The following COG5 variants were observed in gnomAD, a reference collection of about 807,000 sequenced individuals.
COG5 encodes conserved oligomeric Golgi complex subunit 5.
Under a neutral mutation model 110.4 loss-of-function variants are expected in COG5, and 86 were observed. The observed-to-expected ratio is 0.78, with a 90% CI of 0.65 to 0.93. The LOEUF (loss-of-function observed/expected upper bound fraction) is 0.93. COG5 is among the 40% of genes least tolerant of loss of function. The pLI, the probability that COG5 is intolerant of heterozygous loss-of-function variation, is 0.00. For missense variants in COG5, 1,077 were observed against 987.0 expected, an observed-to-expected ratio of 1.09 and a Z score of -1.22; for synonymous variants, 360 against 334.6, an observed-to-expected ratio of 1.08 and a Z score of -0.83.
At chr7:107,512,171 T>G (rs1302478607) in intron 6 of COG5, among the ~76,000 whole-genome samples, 1 of 152,204 alleles carries the variant, frequency 6.6e-6, no homozygotes, top group Non-Finnish European at 1.5e-5. Flanking sequence ...CAAAATCACC[T>G]TAAGCTGATA....
At chr7:107,470,464 A>G (rs893293742) in intron 6 of COG5, 3 of 152,186 alleles carry the variant, frequency 2.0e-5, no homozygotes, top group Admixed American at 6.6e-5. Flanking sequence ...TGTTCCTATT[A>G]TAGTATACAG....
At chr7:107,306,756 T>C (rs1807749017) in intron 11 of COG5, among the ~76,000 whole-genome samples, 1 of 152,166 alleles carries the variant, frequency 6.6e-6, no homozygotes, top group South Asian at 2.1e-4. Flanking sequence ...CCACTGGTGA[T>C]AGGAAAATGG....
At chr7:107,282,667 G>A (rs1038552886) in intron 13 of COG5, among the ~76,000 whole-genome samples, 18 of 152,116 alleles carry the variant, frequency 1.2e-4, no homozygotes, top group South Asian at 6.2e-4. Flanking sequence ...GGTTACAAGC[G>A]TGCACCACCA....
chr7:107,412,450 AC>A, intron 7 of COG5, 51 bp downstream of exon 7: 2 of 1,560,864 alleles, frequency 1.3e-6, no homozygotes, highest in Non-Finnish European at 8.8e-7. Context: ...TCAAATGTTC[AC>A]CTGTATTATG....
intron 6 of COG5, among the ~76,000 whole-genome samples, chr7:107,467,637 C>T (rs956675371): frequency 1.3e-5 from 2 of 152,142 alleles, no homozygotes; most frequent in Admixed American, 1.3e-4. Context: ...CAGGTGAGAG[C>T]CACTGCACCC....
intron 18 of COG5, among the ~76,000 whole-genome samples, chr7:107,233,337 A>T (rs1218148099): frequency 1.3e-5 from 2 of 152,134 alleles, no homozygotes; most frequent in African/African-American, 4.8e-5. Context: ...AGGCACTGAG[A>T]CCATGTGGTC....
intron 5 of COG5, among the ~76,000 whole-genome samples, chr7:107,542,105 T>G (rs762712010): frequency 2.0e-5 from 3 of 152,144 alleles, no homozygotes; most frequent in Non-Finnish European, 4.4e-5. Context: ...TCTTCATAGC[T>G]TCAGGGTAGA....
intron 14 of COG5, among the ~76,000 whole-genome samples, chr7:107,262,777 C>G (rs1442768843): frequency 2.0e-5 from 3 of 152,094 alleles, no homozygotes; most frequent in Non-Finnish European, 2.9e-5. Flanking sequence ...AAAATAGAAG[C>G]AATCAGAAAA....
At chr7:107,333,628 T>C (rs1208888882) in intron 10 of COG5, among the ~76,000 whole-genome samples, 2 of 152,164 alleles carry the variant, frequency 1.3e-5, no homozygotes, top group East Asian at 1.9e-4. Context: ...ATAGCATTTA[T>C]TAAAATAAAT....
chr7:107,417,032 A>C (rs180785785), intron 6 of COG5, among the ~76,000 whole-genome samples: 1 of 152,328 alleles, frequency 6.6e-6, no homozygotes, highest in East Asian at 1.9e-4. Context: ...CCAAATCCTC[A>C]AGTAACAGAA....
At chr7:107,392,162 C>A (rs1322794412) in intron 7 of COG5, among the ~76,000 whole-genome samples, 1 of 152,154 alleles carries the variant, frequency 6.6e-6, no homozygotes, top group Admixed American at 6.5e-5. Context: ...TTACCTGGTT[C>A]TCTAATGCCC....
intron 11 of COG5, among the ~76,000 whole-genome samples, chr7:107,318,355 G>C (rs1808947067): frequency 6.6e-6 from 1 of 152,026 alleles, no homozygotes; most frequent in Admixed American, 6.6e-5. Flanking sequence ...GTAGATTCCT[G>C]TCATATTGAG....
chr7:107,203,441 C>T lies in COG5; in HGVS notation c.*75G>A, dbSNP rs1798505638. 33 of 944,286 alleles carry T rather than the reference C, an allele frequency of 3.5e-5. No individual in the cohort carries two copies. Among genetic ancestry groups the T allele is most frequent in the Non-Finnish European group, 3.5e-6 (2 of 570,246 alleles). The allele number at this position is 944,286 out of a possible 1,614,324, so 58.5% of individuals were successfully genotyped here. On this transcript the variant is annotated 3_prime_UTR_variant, in exon 22 of 22. Coordinates refer to ENST00000297135, the MANE Select transcript of COG5 (RefSeq NM_006348.5). ...TCTTAAAATAGTAGATAGTAGCAGT[C>T]TTTTGGAGTATGTGTTTAACTGCCA... is the stretch of plus-strand genomic sequence containing the variant.
At chr7:107,218,452 T>C (rs555516789) in intron 19 of COG5, among the ~76,000 whole-genome samples, 1 of 152,184 alleles carries the variant, frequency 6.6e-6, no homozygotes, top group East Asian at 1.9e-4. Context: ...TTAAACTATA[T>C]TACAGAGCTA....
At chr7:107,561,976 A>C (rs78802690) in intron 1 of COG5, among the ~76,000 whole-genome samples, 1 of 146,316 alleles carries the variant, frequency 6.8e-6, no homozygotes, top group African/African-American at 2.5e-5. Context: ...ACTCCGTCTC[A>C]AAAAAAAAAA....
intron 6 of COG5, among the ~76,000 whole-genome samples, chr7:107,441,273 AAAAAG>A (rs1794691455): frequency 6.6e-6 from 1 of 151,422 alleles, no homozygotes; most frequent in African/African-American, 2.4e-5. Context: ...AAAAAAAAAA[AAAAAG>A]AATTACCAAT....
intron 10 of COG5, among the ~76,000 whole-genome samples, chr7:107,360,265 G>C (rs1338672799): frequency 6.6e-6 from 1 of 152,182 alleles, no homozygotes; most frequent in Admixed American, 6.5e-5. Context: ...GGGACGATCT[G>C]CTTGCAGAAA....
At chr7:107,465,352 C>T (rs1055464771) in intron 6 of COG5, among the ~76,000 whole-genome samples, 6 of 152,080 alleles carry the variant, frequency 3.9e-5, no homozygotes, top group Non-Finnish European at 8.8e-5. Context: ...TTAGGTGCTA[C>T]TTCAACAGTA....
chr7:107,545,779 CAAAAAAAAA>C (rs59515448), intron 5 of COG5, among the ~76,000 whole-genome samples: 3 of 69,836 alleles, frequency 4.3e-5, no homozygotes, highest in South Asian at 5.7e-4. Flanking sequence ...GACTCCATCT[CAAAAAAAAA>C]AAAAAAAAAA....
Sources: allele counts gnomAD v4.1 joint callset (sites outside exome capture counted in the v4.1 genomes callset), GRCh38; gene constraint gnomAD v4.1.1; transcripts MANE v1.5; gene names NCBI Gene and HGNC (gene_info 2026-07-23, HGNC 2026-07-21).